The following ARMC8 variants were observed in gnomAD, a reference collection of about 807,000 sequenced individuals.
ARMC8 encodes armadillo repeat-containing protein 8.
In ARMC8, 20 loss-of-function variants were observed where a neutral mutation model predicts 99.3. That is an observed-to-expected ratio of 0.20 (90% CI 0.14 to 0.29). The LOEUF (loss-of-function observed/expected upper bound fraction) is 0.29, where lower values mean the gene tolerates loss of function less well. ARMC8 is among the 10% of genes least tolerant of loss of function. The pLI is 1.00. For missense variants in ARMC8, 569 were observed against 809.5 expected (o/e 0.70, Z 3.60); for synonymous variants, 263 against 278.3 (o/e 0.95, Z 0.55).
chr3:138,240,119 G>A (rs997362128), intron 10 of ARMC8, among the ~76,000 whole-genome samples: 1 of 151,948 alleles, frequency 6.6e-6, no homozygotes, highest in East Asian at 1.9e-4. Context: ...TTGATGCCTC[G>A]GACTCCAGAT....
chr3:138,246,034 C>T (rs894599056), intron 12 of ARMC8: 24 of 985,200 alleles, frequency 2.4e-5, no homozygotes, highest in Admixed American at 1.2e-4. Context: ...TCTCCATCTG[C>T]ATTAGTATTT....
intron 1 of ARMC8, among the ~76,000 whole-genome samples, chr3:138,206,581 C>G (rs763485686): frequency 6.6e-6 from 1 of 152,186 alleles, no homozygotes; most frequent in Non-Finnish European, 1.5e-5. Context: ...TTTAGGACTT[C>G]GCTCAAATGT....
In ARMC8 at chr3:138,235,972, AT is replaced by A. The variant is rs200197207; in HGVS notation, c.609+864del. On this transcript the variant is annotated intron_variant, in intron 7 of 21. Transcript: ENST00000469044. The stretch of plus-strand genomic sequence containing the variant: ...AGGCACCTGCCACCACCCCTGGCTG[AT>A]TTTTTCTATATTTTAGTAGAGACAG... 9.4e-3 allele frequency among the ~76,000 whole-genome samples: 1,433 copies of A among 151,654 alleles called. 5 individuals are homozygous for A. The highest frequency in any genetic ancestry group is 0.014 in the Non-Finnish European group (965 of 67,876).
intron 10 of ARMC8, among the ~76,000 whole-genome samples, chr3:138,240,776 A>G (rs2046572419): frequency 6.6e-6 from 1 of 152,222 alleles, no homozygotes; most frequent in Admixed American, 6.5e-5. Flanking sequence ...CTATAATGAT[A>G]ACATTTCAAT....
intron 2 of ARMC8, among the ~76,000 whole-genome samples, chr3:138,214,359 T>TC (rs2044885239): frequency 6.6e-6 from 1 of 152,022 alleles, no homozygotes; most frequent in Non-Finnish European, 1.5e-5. Context: ...TTTTTTTTTT[T>TC]TCCCCCACCA....
At chr3:138,262,304 G>A (rs561572543) in intron 12 of ARMC8, 1 of 481,892 alleles carries the variant, frequency 2.1e-6, no homozygotes, top group East Asian at 3.4e-5. Flanking sequence ...ATGGAATTAG[G>A]TTTGGTCTAG....
intron 11 of ARMC8, among the ~76,000 whole-genome samples, chr3:138,243,496 T>C (rs2046728335): frequency 6.6e-6 from 1 of 152,206 alleles, no homozygotes; most frequent in South Asian, 2.1e-4. Context: ...AGAATGTAGT[T>C]AAGACTTTAA....
At chr3:138,286,395 A>G (rs929051512) in intron 19 of ARMC8, among the ~76,000 whole-genome samples, 13 of 152,004 alleles carry the variant, frequency 8.6e-5, no homozygotes, top group Non-Finnish European at 1.5e-4. Context: ...GCCAAATCCA[A>G]AGGATCCTTT....
chr3:138,230,661 T>A (rs1261986564), intron 6 of ARMC8, among the ~76,000 whole-genome samples: 1 of 151,956 alleles, frequency 6.6e-6, no homozygotes, highest in African/African-American at 2.4e-5. Context: ...CTCAAAAAAA[T>A]AAATAAATAA....
intron 21 of ARMC8, among the ~76,000 whole-genome samples, chr3:138,291,872 G>A (rs1331356561): frequency 6.6e-6 from 1 of 152,136 alleles, no homozygotes; most frequent in Non-Finnish European, 1.5e-5. Flanking sequence ...TATGGAGAGG[G>A]AGAATGCTAA....
At chr3:138,228,317 C>A (rs909912727) in intron 5 of ARMC8, among the ~76,000 whole-genome samples, 3 of 152,178 alleles carry the variant, frequency 2.0e-5, no homozygotes, top group Non-Finnish European at 4.4e-5. Flanking sequence ...GAGAGACTTG[C>A]AGCAGAGTGG....
intron 1 of ARMC8, among the ~76,000 whole-genome samples, chr3:138,193,000 C>T (rs1471036863): frequency 6.6e-6 from 1 of 151,878 alleles, no homozygotes; most frequent in African/African-American, 2.4e-5. Context: ...ATGTGTTTCG[C>T]TCTTGTTGGC....
intron 12 of ARMC8, chr3:138,245,694 A>G: frequency 1.0e-6 from 1 of 992,918 alleles, no homozygotes; most frequent in Non-Finnish European, 1.2e-6. Flanking sequence ...TTTTATGTTT[A>G]GTGAGTGGTC....
chr3:138,189,295 TA>T (rs925096625), intron 1 of ARMC8, among the ~76,000 whole-genome samples: 4 of 150,824 alleles, frequency 2.7e-5, no homozygotes, highest in Non-Finnish European at 3.0e-5. Flanking sequence ...TTTCTTTAAT[TA>T]AAAAAAAAGG....
At chr3:138,273,161 T>C (rs749868961) in intron 17 of ARMC8, 45 bp downstream of exon 17, 32 of 1,570,382 alleles carry the variant, frequency 2.0e-5, no homozygotes, top group Non-Finnish European at 2.8e-5. Flanking sequence ...GCCCTGCATA[T>C]GCATTGCAAG....
At chr3:138,274,015 G>C (rs2049027898) in intron 17 of ARMC8, among the ~76,000 whole-genome samples, 1 of 151,856 alleles carries the variant, frequency 6.6e-6, no homozygotes, top group Non-Finnish European at 1.5e-5. Flanking sequence ...ACGGGGTTTT[G>C]CCGTGTTGGC....
chr3:138,207,825 C>T (rs990658413), intron 1 of ARMC8, among the ~76,000 whole-genome samples: 8 of 152,176 alleles, frequency 5.3e-5, no homozygotes, highest in Non-Finnish European at 8.8e-5. Context: ...GTTGAGAGTC[C>T]TTCTAACTCT....
At chr3:138,255,271 C>T (rs1424009134) in intron 12 of ARMC8, among the ~76,000 whole-genome samples, 4 of 144,152 alleles carry the variant, frequency 2.8e-5, no homozygotes, top group African/African-American at 7.7e-5. Flanking sequence ...GGCGTGATCT[C>T]GGCTCACTGC....
chr3:138,226,500 C>A (rs946009213), intron 5 of ARMC8, among the ~76,000 whole-genome samples: 2 of 152,176 alleles, frequency 1.3e-5, no homozygotes, highest in African/African-American at 2.4e-5. Context: ...AACAAATTTG[C>A]AGGTAACTCA....
Sources: gnomAD v4.1 joint callset for allele counts (sites outside exome capture counted in the v4.1 genomes callset) on GRCh38, gnomAD v4.1.1 for gene constraint, MANE v1.5 for transcripts, NCBI Gene and HGNC (gene_info 2026-07-23, HGNC 2026-07-21) for gene names.